Variants in GRIK4 observed in about 807,000 individuals in gnomAD.
The protein encoded by GRIK4 is glutamate receptor ionotropic, kainate 4.
Under a neutral mutation model 104.9 loss-of-function variants are expected in GRIK4, and 40 were observed. The ratio of observed to expected loss-of-function variants is 0.38; its 90% confidence interval spans 0.30 to 0.50. The LOEUF (loss-of-function observed/expected upper bound fraction) is 0.50. Among genes scored for constraint, GRIK4 ranks in the 20% least tolerant of loss-of-function variants. The pLI is 0.93. For missense variants in GRIK4, 1,047 were observed against 1,308.1 expected (o/e 0.80, Z 3.08); for synonymous variants, 485 against 524.9 (o/e 0.92, Z 1.04).
chr11:120,674,838 C>G (rs1950074130), intron 3 of GRIK4, among the ~76,000 whole-genome samples: 1 of 152,246 alleles, frequency 6.6e-6, no homozygotes, highest in African/African-American at 2.4e-5. Context: ...GCACCAACCA[C>G]AAGCCTGAGT....
At chr11:120,984,282 C>T (rs979194670) in intron 20 of GRIK4, among the ~76,000 whole-genome samples, 5 of 152,322 alleles carry the variant, frequency 3.3e-5, no homozygotes, top group Admixed American at 6.5e-5. Context: ...CTTCTGCTCC[C>T]ATATGGTCTA....
At chr11:120,854,366 G>A (rs940346318) in intron 8 of GRIK4, among the ~76,000 whole-genome samples, 1 of 152,246 alleles carries the variant, frequency 6.6e-6, no homozygotes, top group African/African-American at 2.4e-5. Flanking sequence ...AGCCAGTTCT[G>A]GAGTGAAGAG....
At chr11:120,725,268 A>C (rs1951009178) in intron 3 of GRIK4, among the ~76,000 whole-genome samples, 1 of 152,190 alleles carries the variant, frequency 6.6e-6, no homozygotes, top group Admixed American at 6.5e-5. Context: ...TGAAAGGTTT[A>C]GGTTGGTGGC....
At position 120,876,814 on chromosome 11, in the gene GRIK4, C is replaced by T. The variant is rs114979646; in HGVS notation, c.1164+1571C>T. ...AAAAACACAGATTTTTAAACTCTAC[C>T]TCACAAGAGTCTAGTTGGGTAGGCC... On this transcript the variant is annotated intron_variant, in intron 11 of 20. Coordinates refer to ENST00000527524, the MANE Select transcript of GRIK4 (RefSeq NM_014619.5). Among the ~76,000 whole-genome samples, 1,362 of 152,320 alleles carry T rather than the reference C, an allele frequency of 8.9e-3. 20 individuals are homozygous for T. Among genetic ancestry groups the T allele is most frequent in the African/African-American group, 0.03 (1,263 of 41,580 alleles).
At chr11:120,715,553 G>T (rs1164226903) in intron 3 of GRIK4, among the ~76,000 whole-genome samples, 1 of 151,812 alleles carries the variant, frequency 6.6e-6, no homozygotes, top group Non-Finnish European at 1.5e-5. Context: ...TGATTCCAAC[G>T]CTCCCTCTCT....
At chr11:120,738,613 G>A (rs1007499020) in intron 3 of GRIK4, among the ~76,000 whole-genome samples, 11 of 152,208 alleles carry the variant, frequency 7.2e-5, no homozygotes, top group African/African-American at 2.7e-4. Context: ...CTGCAGCAGG[G>A]CAGGCAGCAG....
intron 11 of GRIK4, among the ~76,000 whole-genome samples, chr11:120,890,478 T>C (rs1162367224): frequency 6.6e-6 from 1 of 152,168 alleles, no homozygotes; most frequent in Non-Finnish European, 1.5e-5. Context: ...CAGAGAGGAA[T>C]TGAGAAGGCC....
At position 120,879,493 on chromosome 11, in the gene GRIK4, C is replaced by T. The variant is rs539632688; in HGVS notation, c.1164+4250C>T. Reference sequence around the variant, plus strand: ...CTGAACCAAATACCACATTCTCTGCCGGTGGCTGATTAAAGGATTATTACC... The same window carrying T: ...CTGAACCAAATACCACATTCTCTGCTGGTGGCTGATTAAAGGATTATTACC... On this transcript the variant is annotated intron_variant, in intron 11 of 20. Transcript: ENST00000527524. Among the ~76,000 whole-genome samples, 43 of 152,296 alleles carry T rather than the reference C, an allele frequency of 2.8e-4. No individual in the cohort carries two copies. The South Asian group carries it at 3.3e-3, about 12-fold the overall frequency.
Position 120,961,058 on chromosome 11 carries a change from G to A in GRIK4, c.2024G>A (p.Ser675Asn). The stretch of plus-strand genomic sequence containing the variant: ...TATGGCACAATTCACGGAGGCTCCA[G>A]CATGACCTTCTTCCAAGTAAACCCC... ...IEYGTIHGGS[S>N]MTFFQNSRYQ... The change falls in exon 17 of 21, where the codon AGC becomes AAC. Residue 675 changes from serine to asparagine, a missense_variant. Ser to Asn is a conservative substitution (Grantham distance 46). Coordinates refer to ENST00000527524, the MANE Select transcript of GRIK4 (RefSeq NM_014619.5). 1 of 1,614,096 alleles carries A rather than the reference G, an allele frequency of 6.2e-7. No individual in the cohort carries two copies. The highest frequency in any genetic ancestry group is 1.1e-5 in the South Asian group (1 of 91,050).
chr11:120,511,820 A>T lies in GRIK4; in HGVS notation c.-226A>T. 5.6e-6 allele frequency: 2 copies of T among 359,014 alleles called. No individual in the cohort carries two copies. Among genetic ancestry groups the T allele is most frequent in the Non-Finnish European group, 1.1e-5 (2 of 177,380 alleles). The allele number at this position is 359,014 out of a possible 1,614,324, so 22.2% of individuals were successfully genotyped here. On this transcript the variant is annotated 5_prime_UTR_variant, in exon 1 of 21. Transcript: ENST00000527524. ...CTGCGGAAGAGGAAAAACGGCCAAC[A>T]GCAGCCCCGCGGCCGGCCCGGCAGC...
intron 3 of GRIK4, among the ~76,000 whole-genome samples, chr11:120,736,801 C>G (rs1165625668): frequency 2.0e-5 from 3 of 151,562 alleles, no homozygotes; most frequent in African/African-American, 7.3e-5. Context: ...CTGCCCACCT[C>G]TGTTCACTGA....
intron 7 of GRIK4, among the ~76,000 whole-genome samples, chr11:120,833,150 G>GAGTT (rs1953477522): frequency 6.9e-6 from 1 of 145,318 alleles, no homozygotes; most frequent in Non-Finnish European, 1.5e-5. Context: ...AGATTTGAAT[G>GAGTT]AGTTCTCTCA....
At chr11:120,592,607 C>T (rs1591720481) in intron 1 of GRIK4, among the ~76,000 whole-genome samples, 2 of 152,274 alleles carry the variant, frequency 1.3e-5, no homozygotes, top group South Asian at 2.1e-4. Flanking sequence ...CTTGGATTTC[C>T]TGCCTCCTCT....
intron 3 of GRIK4, among the ~76,000 whole-genome samples, chr11:120,700,055 A>G (rs1950526460): frequency 6.6e-6 from 1 of 152,220 alleles, no homozygotes; most frequent in Non-Finnish European, 1.5e-5. Context: ...ACAGCATGTT[A>G]GGAGATGCGT....
chr11:120,654,378 A>G (rs1949667692), intron 2 of GRIK4, among the ~76,000 whole-genome samples: 1 of 152,062 alleles, frequency 6.6e-6, no homozygotes, highest in Admixed American at 6.6e-5. Flanking sequence ...TATTATTATT[A>G]GTTGAGACAG....
At chr11:120,896,510 C>T (rs1279487695) in intron 11 of GRIK4, among the ~76,000 whole-genome samples, 1 of 152,214 alleles carries the variant, frequency 6.6e-6, no homozygotes, top group Non-Finnish European at 1.5e-5. Flanking sequence ...TGGTCATCTC[C>T]CCTTTTCCAC....
intron 12 of GRIK4, among the ~76,000 whole-genome samples, chr11:120,899,291 C>T (rs1159775305): frequency 6.6e-6 from 1 of 151,918 alleles, no homozygotes; most frequent in Non-Finnish European, 1.5e-5. Context: ...CACGGTGGCA[C>T]ACGCCTGAAA....
intron 1 of GRIK4, among the ~76,000 whole-genome samples, chr11:120,515,278 T>A (rs1346431504): frequency 3.9e-5 from 6 of 152,196 alleles, no homozygotes; most frequent in Admixed American, 3.9e-4. Context: ...AGACCTGGGT[T>A]CCTGTCCTCA....
intron 3 of GRIK4, among the ~76,000 whole-genome samples, chr11:120,794,413 G>A (rs758204514): frequency 1.3e-5 from 2 of 151,946 alleles, no homozygotes; most frequent in Admixed American, 6.5e-5. Context: ...TAGGGGCTAC[G>A]TTGTCTCCTC....
Sources: allele counts gnomAD v4.1 joint callset (sites outside exome capture counted in the v4.1 genomes callset), GRCh38; gene constraint gnomAD v4.1.1; transcripts MANE v1.5; gene names NCBI Gene and HGNC (gene_info 2026-07-23, HGNC 2026-07-21).